The following ABCA8 variants were observed in gnomAD, a reference collection of about 807,000 sequenced individuals.
The protein encoded by ABCA8 is ABC-type organic anion transporter ABCA8.
Under a neutral mutation model 192.3 loss-of-function variants are expected in ABCA8, and 177 were observed. That is an observed-to-expected ratio of 0.92 (90% CI 0.81 to 1.04). ABCA8 has a LOEUF of 1.04. Ranked by LOEUF, ABCA8 falls within the 50% of genes least tolerant of loss-of-function variation. The probability of loss-of-function intolerance (pLI) is 0.00; values close to 1 mark genes in which losing one functional copy is unlikely to be tolerated. For missense variants in ABCA8, 1,915 were observed against 1,904.8 expected, an observed-to-expected ratio of 1.01 and a Z score of -0.10; for synonymous variants, 642 against 690.2, an observed-to-expected ratio of 0.93 and a Z score of 1.09.
chr17:68,903,344 G>A lies in ABCA8; in HGVS notation c.2554C>T (p.Arg852Cys), dbSNP rs199640898. The A allele has an allele frequency of 7.4e-6, 12 of 1,614,114 alleles. No individual in the cohort carries two copies. Among genetic ancestry groups the A allele is most frequent in the East Asian group, 2.2e-5 (1 of 44,882 alleles). The change falls in exon 20 of 40, where the codon CGC becomes TGC. Residue 852 changes from arginine (R) to cysteine (C), a missense_variant. By Grantham distance (180) the Arg-to-Cys change is radical. Coordinates refer to ENST00000586539, the MANE Select transcript of ABCA8 (RefSeq NM_001288985.2). Reference sequence around the variant, plus strand: ...CTTTCATGCTTTAACTTTAACAAGCGAACCCTTGCAATTGCGCAGATTTGC... The same window carrying A: ...CTTTCATGCTTTAACTTTAACAAGCAAACCCTTGCAATTGCGCAGATTTGC... ...RQQICAIARVRLLKLKHERKA... is the reference protein window; with the variant it reads ...RQQICAIARVCLLKLKHERKA...
Position 68,867,776 on chromosome 17 carries a change from ATTTG to A in ABCA8, c.*305_*308del, listed in dbSNP as rs1006877507. ...TTTTTATTAAAAAAATTTAAACAAA[ATTTG>A]TTTATCTTATCTAGAAACTTATACG... is the stretch of plus-strand genomic sequence containing the variant. On this transcript the variant is annotated 3_prime_UTR_variant, in exon 40 of 40. Transcript: ENST00000586539. 1.0e-5 allele frequency: 2 copies of A among 190,898 alleles called. No homozygotes were observed. The highest frequency in any genetic ancestry group is 2.1e-5 in the Non-Finnish European group (2 of 94,356). The allele number at this position is 190,898 out of a possible 1,614,324, so 11.8% of individuals were successfully genotyped here.
intron 21 of ABCA8, among the ~76,000 whole-genome samples, chr17:68,900,781 T>G (rs774586333): frequency 5.9e-5 from 9 of 152,114 alleles, no homozygotes; most frequent in Non-Finnish European, 1.3e-4. Context: ...TGGTTTAATG[T>G]CTGAAAATAA....
Position 68,929,637 on chromosome 17 carries a change from A to G in ABCA8, c.863T>C (p.Ile288Thr). ...CAAAATGATAAACTGGGTAGATCTT[A>G]TAACAAGTGCCAAGAAAAGGGCCAT... ...FIMALFLALV[I>T]RSTQFIILSG... Residue 288 changes from isoleucine to threonine, a missense_variant, in exon 8 of 40, where the codon ATA (isoleucine) becomes ACA (threonine). By Grantham distance (89) the Ile-to-Thr change is moderately conservative. Coordinates refer to ENST00000586539, the MANE Select transcript of ABCA8 (RefSeq NM_001288985.2). The G allele has an allele frequency of 6.2e-7, 1 of 1,613,720 alleles. No homozygotes were observed. Among genetic ancestry groups the G allele is most frequent in the Non-Finnish European group, 8.5e-7 (1 of 1,179,730 alleles).
In ABCA8 at chr17:68,946,969, CAGAG is replaced by C. The variant is rs1367235504; in HGVS notation, c.-6+2339_-6+2342del. Among the ~76,000 whole-genome samples the C allele has an allele frequency of 3.4e-4, 48 of 142,800 alleles. No individual in the cohort carries two copies. In the South Asian group the frequency reaches 9.5e-3, roughly 28 times the overall value. 93.7% of individuals were successfully genotyped at this position (142,800 alleles called of 152,430 possible). A position where few individuals can be genotyped will look rare whatever the true frequency, so the allele number is the denominator to read the frequency against. On this transcript the variant is annotated intron_variant, in intron 2 of 39. Coordinates refer to ENST00000586539, the MANE Select transcript of ABCA8 (RefSeq NM_001288985.2). ...AAAGAGAGAGAGAGAGAGAGAGAGA[CAGAG>C]AGAGAGAAAGAAAGAAAATAAATTG... is the stretch of plus-strand genomic sequence containing the variant.
Position 68,932,287 on chromosome 17 carries a change from C to T in ABCA8, c.797+1G>A. On this transcript the variant is annotated splice_donor_variant, in intron 7 of 39. Transcript: ENST00000586539. LOFTEE classifies it high-confidence loss of function. ...ATTTATTTGTGCTGCGTTTGACTCA[C>T]CAGAACGCTGAATCCCGAAGACCCA... 2 of 1,608,228 alleles carry T rather than the reference C, an allele frequency of 1.2e-6. No individual in the cohort carries two copies. The highest frequency in any genetic ancestry group is 2.2e-5 in the East Asian group (1 of 44,740).
intron 17 of ABCA8, among the ~76,000 whole-genome samples, chr17:68,916,312 G>A (rs149893701): frequency 1.3e-5 from 2 of 151,998 alleles, no homozygotes; most frequent in East Asian, 3.9e-4. Context: ...TGACTATACA[G>A]ACTATATTAA....
At chr17:68,886,207 AT>A (rs2066457295) in intron 26 of ABCA8, among the ~76,000 whole-genome samples, 1 of 152,176 alleles carries the variant, frequency 6.6e-6, no homozygotes, top group Non-Finnish European at 1.5e-5. Flanking sequence ...CTGCAAGTTT[AT>A]CTCTAATCCT....
chr17:68,929,413 C>T, intron 8 of ABCA8, 148 bp downstream of exon 8: 1 of 1,143,238 alleles, frequency 8.7e-7, no homozygotes, highest in Non-Finnish European at 1.2e-6. Context: ...CATTACAAAA[C>T]ACCTCAAATC....
At chr17:68,919,698 T>C in intron 13 of ABCA8, 1 of 436,986 alleles carries the variant, frequency 2.3e-6, no homozygotes, top group Non-Finnish European at 4.1e-6. Flanking sequence ...TAGCTTTGCC[T>C]ATATACCCTG....
intron 21 of ABCA8, among the ~76,000 whole-genome samples, chr17:68,898,171 G>A (rs775807338): frequency 6.6e-6 from 1 of 152,042 alleles, no homozygotes; most frequent in African/African-American, 2.4e-5. Flanking sequence ...ACAGTAAAAT[G>A]ACATATTCAA....
At chr17:68,877,832 G>T (rs1476648171) in intron 32 of ABCA8, 153 bp from the exon 33 acceptor site, 2 of 754,314 alleles carry the variant, frequency 2.7e-6, no homozygotes, top group Non-Finnish European at 3.9e-6. Flanking sequence ...TTGGAGAAAG[G>T]TTGTCAGAGA....
chr17:68,893,722 T>TC (rs894122179), intron 23 of ABCA8, among the ~76,000 whole-genome samples: 7 of 15,274 alleles, frequency 4.6e-4, no homozygotes, highest in African/African-American at 1.9e-3. Flanking sequence ...TCATATTCTC[T>TC]TTTTTTTTTT....
At chr17:68,927,757 T>C (rs2067741856) in intron 10 of ABCA8, among the ~76,000 whole-genome samples, 159 bp downstream of exon 10, 1 of 152,130 alleles carries the variant, frequency 6.6e-6, no homozygotes, top group Non-Finnish European at 1.5e-5. Context: ...GAGAAAGAAA[T>C]GAAGAAATAA....
intron 7 of ABCA8, 29 bp downstream of exon 7, chr17:68,932,258 GT>G (rs1567873898): frequency 6.6e-7 from 1 of 1,523,816 alleles, no homozygotes; most frequent in South Asian, 1.2e-5. Flanking sequence ...GAGTTCCTCC[GT>G]TTATTTATTT....
Position 68,922,225 on chromosome 17 carries a change from T to TAAATTTAAAG in ABCA8, c.1501+16_1501+17insCTTTAAATTT. On this transcript the variant is annotated intron_variant, in intron 12 of 39. Coordinates refer to ENST00000586539, the MANE Select transcript of ABCA8 (RefSeq NM_001288985.2). The stretch of plus-strand genomic sequence containing the variant: ...TTTTTTTTTTTTTTTTTTTTTTTTT[T>TAAATTTAAAG]TTTTTTTTTTTTTTACCTTTCAAGG... 1 of 477,312 alleles carries TAAATTTAAAG rather than the reference T, an allele frequency of 2.1e-6. No homozygotes were observed. The highest frequency in any genetic ancestry group is 3.0e-6 in the Non-Finnish European group (1 of 332,696). 29.6% of individuals were successfully genotyped at this position (477,312 alleles called of 1,614,324 possible). A position where few individuals can be genotyped will look rare whatever the true frequency, so the allele number is the denominator to read the frequency against.
rs141541924 is a variant in ABCA8, at chr17:68,935,887, C to G, written c.466+1064G>C. ...TTAGACTTTTTACTAATAGCCATTC[C>G]GACTAGGGTAAAATGGTTATCTCCT... On this transcript the variant is annotated intron_variant, in intron 5 of 39. Coordinates refer to ENST00000586539, the MANE Select transcript of ABCA8 (RefSeq NM_001288985.2). Among the ~76,000 whole-genome samples, 9 of 152,052 alleles carry G rather than the reference C, an allele frequency of 5.9e-5. No individual in the cohort carries two copies. In the East Asian group the frequency reaches 1.5e-3, roughly 26 times the overall value.
At chr17:68,923,406 C>T (rs1365819502) in intron 11 of ABCA8, among the ~76,000 whole-genome samples, 2 of 151,926 alleles carry the variant, frequency 1.3e-5, no homozygotes, top group African/African-American at 4.8e-5. Flanking sequence ...TGCCATGTTG[C>T]TCAAGCTGGT....
intron 21 of ABCA8, among the ~76,000 whole-genome samples, chr17:68,897,590 A>G (rs1345763640): frequency 2.6e-5 from 4 of 152,208 alleles, no homozygotes; most frequent in Admixed American, 2.0e-4. Flanking sequence ...AAAAGAAAGC[A>G]TGTTTAGAGA....
chr17:68,869,775 A>C lies in ABCA8; in HGVS notation c.4636T>G (p.Ser1546Ala). ...GGCAACTTATAAACCATCAGAGAGG[A>C]GTACCTGAGAGAAAAGGAGAGGTAA... ...FPQAARQERY[S>A]SLMVYKLPVE... is the part of the protein sequence containing the mutation. The change falls in exon 38 of 40, where the codon TCC becomes GCC. Residue 1546 changes from serine to alanine, a missense_variant. Transcript: ENST00000586539. 6.2e-7 allele frequency: 1 copy of C among 1,610,188 alleles called. No individual in the cohort carries two copies. The highest frequency in any genetic ancestry group is 8.5e-7 in the Non-Finnish European group (1 of 1,176,576).
Sources: allele counts gnomAD v4.1 joint callset (sites outside exome capture counted in the v4.1 genomes callset), GRCh38; gene constraint gnomAD v4.1.1; transcripts MANE v1.5; gene names NCBI Gene and HGNC (gene_info 2026-07-23, HGNC 2026-07-21).